Variants in KCMF1 observed in about 807,000 individuals in gnomAD.
KCMF1 encodes E3 ubiquitin-protein ligase KCMF1.
A neutral mutation model predicts 41.1 loss-of-function variants in KCMF1; 3 were observed. That is an observed-to-expected ratio of 0.07 (90% CI 0.03 to 0.19). The LOEUF is 0.19. Ranked by LOEUF, KCMF1 falls within the 10% of genes least tolerant of loss-of-function variation. KCMF1 has a pLI of 1.00. For synonymous variants in KCMF1, 142 were observed against 164.5 expected (o/e 0.86, Z 1.04); for missense variants, 286 against 488.9 (o/e 0.58, Z 3.91).
intron 1 of KCMF1, among the ~76,000 whole-genome samples, chr2:84,996,311 C>T (rs545911100): frequency 4.6e-5 from 7 of 150,680 alleles, no homozygotes; most frequent in East Asian, 1.9e-4. Flanking sequence ...TGTAAATTGA[C>T]GATAATAAGA....
chr2:85,026,015 G>T (rs1675094706), intron 1 of KCMF1, among the ~76,000 whole-genome samples: 3 of 151,876 alleles, frequency 2.0e-5, no homozygotes, highest in Admixed American at 2.0e-4. Flanking sequence ...TTTAAAGACA[G>T]AGTCTCACTC....
At chr2:85,016,575 T>G (rs1052711921) in intron 1 of KCMF1, among the ~76,000 whole-genome samples, 5 of 152,172 alleles carry the variant, frequency 3.3e-5, no homozygotes, top group African/African-American at 9.6e-5. Context: ...TTATAAACTT[T>G]GTCTTAGATT....
chr2:84,998,786 A>G (rs1017289748), intron 1 of KCMF1, among the ~76,000 whole-genome samples: 3 of 137,188 alleles, frequency 2.2e-5, no homozygotes, highest in Non-Finnish European at 4.8e-5. Flanking sequence ...TTTTTTTTGT[A>G]TTTTTAGTAG....
chr2:84,993,116 G>C (rs1307917871), intron 1 of KCMF1, among the ~76,000 whole-genome samples: 2 of 151,940 alleles, frequency 1.3e-5, no homozygotes, highest in African/African-American at 4.8e-5. Flanking sequence ...GAGCCCAGGA[G>C]GTGGAGGCTG....
At chr2:85,005,289 T>G (rs1468279771) in intron 1 of KCMF1, among the ~76,000 whole-genome samples, 1 of 151,698 alleles carries the variant, frequency 6.6e-6, no homozygotes. Flanking sequence ...TTTTTATTTA[T>G]TTATTTATTT....
intron 1 of KCMF1, among the ~76,000 whole-genome samples, chr2:84,974,692 T>TATATATATATATATA (rs1491555128): frequency 2.3e-4 from 4 of 17,222 alleles, no homozygotes; most frequent in Admixed American, 8.3e-4. Flanking sequence ...TATATATATA[T>TATATATATATATATA]TTTTTTTTTT....
intron 1 of KCMF1, among the ~76,000 whole-genome samples, chr2:85,007,055 C>T (rs908365578): frequency 6.1e-5 from 9 of 147,400 alleles, no homozygotes; most frequent in East Asian, 2.0e-4. Context: ...GAGTCGAGAT[C>T]GCACCACTGC....
At position 85,054,220 on chromosome 2, in the gene KCMF1, A is replaced by C. The variant is rs189921919; in HGVS notation, c.*811A>C. The C allele has an allele frequency of 1.3e-5, 2 of 152,180 alleles. No homozygotes were observed. The highest frequency in any genetic ancestry group is 1.3e-4 in the Admixed American group (2 of 15,280). 9.4% of individuals were successfully genotyped at this position (152,180 alleles called of 1,614,324 possible). Reference sequence around the variant, plus strand: ...TTTGTGGTTGTTTAAAATTTTTTCAATTGTTAAATATGTTTTATTCAGGTG... The same window carrying C: ...TTTGTGGTTGTTTAAAATTTTTTCACTTGTTAAATATGTTTTATTCAGGTG... On this transcript the variant is annotated 3_prime_UTR_variant, in exon 7 of 7. Coordinates refer to ENST00000409785, the MANE Select transcript of KCMF1 (RefSeq NM_020122.5).
At chr2:84,974,691 ATT>A (rs869056943) in intron 1 of KCMF1, among the ~76,000 whole-genome samples, 28 of 14,596 alleles carry the variant, frequency 1.9e-3, no homozygotes, top group Admixed American at 3.6e-3. Context: ...ATATATATAT[ATT>A]TTTTTTTTTT....
intron 6 of KCMF1, among the ~76,000 whole-genome samples, chr2:85,051,152 A>AT (rs1675798986): frequency 6.6e-6 from 1 of 152,208 alleles, no homozygotes; most frequent in African/African-American, 2.4e-5. Flanking sequence ...TTACCTTTGA[A>AT]TTATCTCTGC....
At chr2:85,014,192 A>C (rs1444529420) in intron 1 of KCMF1, 3 of 152,248 alleles carry the variant, frequency 2.0e-5, no homozygotes, top group Admixed American at 6.5e-5. Flanking sequence ...CCTCAAGAGT[A>C]ATTCCTCAAT....
At chr2:84,974,159 C>T (rs1380568411) in intron 1 of KCMF1, among the ~76,000 whole-genome samples, 1 of 152,272 alleles carries the variant, frequency 6.6e-6, no homozygotes, top group East Asian at 1.9e-4. Context: ...AATTTTTGCA[C>T]TCTCAGTCAT....
chr2:85,019,732 G>A (rs1162600950), intron 1 of KCMF1, among the ~76,000 whole-genome samples: 1 of 151,518 alleles, frequency 6.6e-6, no homozygotes, highest in Non-Finnish European at 1.5e-5. Context: ...ATATATGTGT[G>A]TGTGTATATA....
intron 6 of KCMF1, 59 bp downstream of exon 6, chr2:85,049,707 C>G (rs1253681850): frequency 7.6e-7 from 1 of 1,315,016 alleles, no homozygotes; most frequent in East Asian, 2.4e-5. Flanking sequence ...CCACTACAGT[C>G]TGGAATTATC....
At position 85,053,551 on chromosome 2, in the gene KCMF1, A is replaced by G. The variant is rs555064300; in HGVS notation, c.*142A>G. ...TGTGTACATTCAAAAGGAAGAGAGAAAATATATATGATAATCATTTCCACT... is the reference window on the plus strand; with the variant it reads ...TGTGTACATTCAAAAGGAAGAGAGAGAATATATATGATAATCATTTCCACT... On this transcript the variant is annotated 3_prime_UTR_variant, in exon 7 of 7. Transcript: ENST00000409785. 1 of 878,484 alleles carries G rather than the reference A, an allele frequency of 1.1e-6. No individual in the cohort carries two copies. The highest frequency in any genetic ancestry group is 1.8e-5 in the South Asian group (1 of 54,128). 54.4% of individuals were successfully genotyped at this position (878,484 alleles called of 1,614,324 possible).
intron 1 of KCMF1, among the ~76,000 whole-genome samples, chr2:84,993,188 GAAAAA>G (rs547127154): frequency 8.4e-6 from 1 of 119,634 alleles, no homozygotes; most frequent in Non-Finnish European, 1.8e-5. Flanking sequence ...CCCTGTGTCA[GAAAAA>G]AAAAAAAGAA....
chr2:85,017,388 T>TGGA (rs1674801965), intron 1 of KCMF1, among the ~76,000 whole-genome samples: 1 of 152,190 alleles, frequency 6.6e-6, no homozygotes, highest in Non-Finnish European at 1.5e-5. Context: ...AGTCTCTTCT[T>TGGA]GGAGATTGTC....
At chr2:85,025,104 G>T (rs1357331202) in intron 1 of KCMF1, among the ~76,000 whole-genome samples, 1 of 152,056 alleles carries the variant, frequency 6.6e-6, no homozygotes, top group Non-Finnish European at 1.5e-5. Context: ...ATCAACATTT[G>T]AGTCAGCTTA....
intron 6 of KCMF1, 53 bp downstream of exon 6, chr2:85,049,701 T>C (rs551334244): frequency 1.4e-6 from 2 of 1,388,952 alleles, no homozygotes; most frequent in Non-Finnish European, 1.0e-6. Context: ...TTATTGCCAC[T>C]ACAGTCTGGA....
Sources: allele counts gnomAD v4.1 joint callset (sites outside exome capture counted in the v4.1 genomes callset), GRCh38; gene constraint gnomAD v4.1.1; transcripts MANE v1.5; gene names NCBI Gene and HGNC (gene_info 2026-07-23, HGNC 2026-07-21).